The following INPP4B variants were observed in gnomAD, a reference collection of about 807,000 sequenced individuals.
INPP4B encodes inositol polyphosphate 4-phosphatase type II.
A neutral mutation model predicts 122.5 loss-of-function variants in INPP4B; 55 were observed. The observed-to-expected ratio is 0.45, with a 90% CI of 0.36 to 0.56. The LOEUF (loss-of-function observed/expected upper bound fraction) is 0.56, where lower values mean the gene tolerates loss of function less well. INPP4B is among the 20% of genes least tolerant of loss of function. INPP4B has a pLI of 0.00. For synonymous variants in INPP4B, 403 were observed against 388.7 expected (o/e 1.04, Z -0.43); for missense variants, 1,000 against 1,097.7 (o/e 0.91, Z 1.26).
chr4:142,043,267 AC>A (rs1749283400), intron 25 of INPP4B, among the ~76,000 whole-genome samples: 1 of 152,254 alleles, frequency 6.6e-6, no homozygotes, highest in Non-Finnish European at 1.5e-5. Flanking sequence ...AGAATAAGAT[AC>A]ATTTAAGAAT....
intron 14 of INPP4B, among the ~76,000 whole-genome samples, chr4:142,194,690 G>A (rs2149376201): frequency 6.6e-6 from 1 of 152,294 alleles, no homozygotes; most frequent in South Asian, 2.1e-4. Flanking sequence ...CTAACTCAGT[G>A]ACAGAGAGTC....
intron 9 of INPP4B, among the ~76,000 whole-genome samples, chr4:142,299,133 T>G (rs4557352): frequency 0.22 from 32,654 of 150,184 alleles, 4,810 homozygotes; most frequent in African/African-American, 0.42. Context: ...TTTCCTGCTT[T>G]TTCACTTTTT....
chr4:142,535,632 T>C (rs1007216144), intron 2 of INPP4B, among the ~76,000 whole-genome samples: 1 of 152,212 alleles, frequency 6.6e-6, no homozygotes, highest in African/African-American at 2.4e-5. Context: ...GATGGGATGT[T>C]CTAATCCACA....
chr4:142,304,086 A>T (rs1453261394), intron 9 of INPP4B, among the ~76,000 whole-genome samples: 2 of 152,158 alleles, frequency 1.3e-5, no homozygotes, highest in Non-Finnish European at 2.9e-5. Flanking sequence ...CATGCTATGC[A>T]TCTGATCTAG....
intron 1 of INPP4B, among the ~76,000 whole-genome samples, chr4:142,753,069 C>G (rs1051485752): frequency 1.3e-5 from 2 of 152,002 alleles, no homozygotes; most frequent in South Asian, 2.1e-4. Context: ...CATGATAAAG[C>G]CTTTATTCTG....
At chr4:142,427,208 T>TA (rs1477477807) in intron 5 of INPP4B, 1 of 233,276 alleles carries the variant, frequency 4.3e-6, no homozygotes, top group Non-Finnish European at 8.1e-6. Context: ...TTGAAGATCT[T>TA]AAAGTGCTAA....
At chr4:142,355,865 T>G (rs932454958) in intron 7 of INPP4B, among the ~76,000 whole-genome samples, 3 of 149,806 alleles carry the variant, frequency 2.0e-5, no homozygotes, top group Admixed American at 1.3e-4. Context: ...GAGAAGCCTT[T>G]TTTTTTTTTA....
At chr4:142,568,755 A>G (rs1482614533) in intron 2 of INPP4B, among the ~76,000 whole-genome samples, 2 of 152,178 alleles carry the variant, frequency 1.3e-5, no homozygotes, top group Non-Finnish European at 2.9e-5. Flanking sequence ...ATATATTTCA[A>G]TATACAATTT....
intron 1 of INPP4B, among the ~76,000 whole-genome samples, chr4:142,803,649 T>TAAAAAAAAA (rs34262906): frequency 1.4e-5 from 2 of 138,934 alleles, no homozygotes; most frequent in South Asian, 2.3e-4. Flanking sequence ...CAATAAAACT[T>TAAAAAAAAA]AAAAAAAAAA....
rs143109053 is a variant in INPP4B at position 142,817,176 on chromosome 4, G to T, written c.-254+29033C>A. Among the ~76,000 whole-genome samples the T allele has an allele frequency of 5.3e-3, 806 of 152,216 alleles. 6 individuals carry two copies. Among genetic ancestry groups the T allele is most frequent in the East Asian group, 0.019 (98 of 5,166 alleles). ...TCAGGGAGGAAATGGCATTTCATTAGTTCCTCAGTGGTTGATAAGCCTGTT... is the reference window on the plus strand; with the variant it reads ...TCAGGGAGGAAATGGCATTTCATTATTTCCTCAGTGGTTGATAAGCCTGTT... On this transcript the variant is annotated intron_variant, in intron 1 of 25. Coordinates refer to ENST00000262992, the MANE Select transcript of INPP4B (RefSeq NM_001101669.3).
intron 1 of INPP4B, among the ~76,000 whole-genome samples, chr4:142,801,798 T>C (rs13435565): frequency 0.48 from 73,486 of 151,974 alleles, 20,669 homozygotes; most frequent in African/African-American, 0.79. Flanking sequence ...TTCCATTGTT[T>C]GAGGTAGGAA....
intron 15 of INPP4B, among the ~76,000 whole-genome samples, chr4:142,184,746 C>A (rs1832428069): frequency 6.6e-6 from 1 of 152,092 alleles, no homozygotes; most frequent in South Asian, 2.1e-4. Flanking sequence ...AGCTTCCAGG[C>A]AGAAATGATT....
At chr4:142,475,788 A>T (rs1262039157) in intron 2 of INPP4B, among the ~76,000 whole-genome samples, 1 of 152,188 alleles carries the variant, frequency 6.6e-6, no homozygotes, top group African/African-American at 2.4e-5. Flanking sequence ...CAGACAAAAA[A>T]CAAACAAACA....
At chr4:142,519,895 G>A (rs543046828) in intron 2 of INPP4B, among the ~76,000 whole-genome samples, 1 of 151,934 alleles carries the variant, frequency 6.6e-6, no homozygotes, top group African/African-American at 2.4e-5. Flanking sequence ...AAAACTTTTG[G>A]ATACCTGAAT....
intron 15 of INPP4B, among the ~76,000 whole-genome samples, chr4:142,188,739 C>A (rs1401481028): frequency 1.3e-5 from 2 of 151,242 alleles, no homozygotes; most frequent in Non-Finnish European, 2.9e-5. Context: ...TTTCAAATCA[C>A]TCTCTCTCTT....
chr4:142,578,527 C>A (rs1734322668), intron 2 of INPP4B, among the ~76,000 whole-genome samples: 1 of 151,914 alleles, frequency 6.6e-6, no homozygotes, highest in African/African-American at 2.4e-5. Context: ...CTGTCTTCTT[C>A]ATGTATCTTC....
intron 1 of INPP4B, among the ~76,000 whole-genome samples, chr4:142,780,989 T>C (rs1050650476): frequency 2.2e-4 from 34 of 152,148 alleles, no homozygotes; most frequent in African/African-American, 8.0e-4. Context: ...TTAGACGCGT[T>C]AGAGAAATCA....
intron 1 of INPP4B, among the ~76,000 whole-genome samples, chr4:142,754,941 C>T (rs1770298817): frequency 6.6e-6 from 1 of 151,950 alleles, no homozygotes; most frequent in African/African-American, 2.4e-5. Flanking sequence ...ATTTGTATGG[C>T]ACATCAAATT....
chr4:142,777,467 G>A (rs935863469), intron 1 of INPP4B, among the ~76,000 whole-genome samples: 1 of 152,078 alleles, frequency 6.6e-6, no homozygotes, highest in African/African-American at 2.4e-5. Flanking sequence ...ATAATCACAT[G>A]ATCTTGGAAG....
Sources: allele counts gnomAD v4.1 joint callset (sites outside exome capture counted in the v4.1 genomes callset), GRCh38; gene constraint gnomAD v4.1.1; transcripts MANE v1.5; gene names NCBI Gene and HGNC (gene_info 2026-07-23, HGNC 2026-07-21).